Variants in KIF11 observed in about 807,000 individuals in gnomAD.
KIF11 encodes kinesin family member 11.
KIF11 carries 9 observed loss-of-function variants against 121.0 expected under a neutral mutation model. The observed-to-expected ratio is 0.07, with a 90% CI of 0.04 to 0.13. The LOEUF (loss-of-function observed/expected upper bound fraction) is 0.13. Among genes scored for constraint, KIF11 ranks in the 10% least tolerant of loss-of-function variants. KIF11 has a pLI of 1.00. For missense variants in KIF11, 846 were observed against 1,217.5 expected, an observed-to-expected ratio of 0.69 and a Z score of 4.54; for synonymous variants, 408 against 421.0, an observed-to-expected ratio of 0.97 and a Z score of 0.38.
intron 10 of KIF11, among the ~76,000 whole-genome samples, chr10:92,626,002 C>G (rs1302482058): frequency 6.6e-6 from 1 of 152,178 alleles, no homozygotes; most frequent in African/African-American, 2.4e-5. Flanking sequence ...GCCATACCAC[C>G]CAAAGCTATT....
chr10:92,622,259 A>C (rs1299243876), intron 10 of KIF11, among the ~76,000 whole-genome samples: 1 of 152,026 alleles, frequency 6.6e-6, no homozygotes, highest in Non-Finnish European at 1.5e-5. Flanking sequence ...GGGCAACAAG[A>C]GTGAAACTCT....
chr10:92,600,959 C>T (rs1403753973), intron 1 of KIF11, among the ~76,000 whole-genome samples: 1 of 151,532 alleles, frequency 6.6e-6, no homozygotes, highest in African/African-American at 2.4e-5. Context: ...CTCCTGGGTT[C>T]AAGCAGTTCT....
intron 12 of KIF11, among the ~76,000 whole-genome samples, chr10:92,630,867 C>CTAA (rs1844730131): frequency 1.0e-5 from 1 of 100,028 alleles, no homozygotes; most frequent in Non-Finnish European, 1.9e-5. Context: ...AACTCCGTCT[C>CTAA]AAAAAAAAAA....
chr10:92,627,722 T>G (rs908506975), intron 10 of KIF11, among the ~76,000 whole-genome samples: 2 of 152,218 alleles, frequency 1.3e-5, no homozygotes, highest in Middle Eastern at 3.2e-3. Context: ...ACCTGTAAGT[T>G]CACTATAGAT....
At chr10:92,612,216 G>A (rs1173647765) in intron 6 of KIF11, among the ~76,000 whole-genome samples, 2 of 151,810 alleles carry the variant, frequency 1.3e-5, no homozygotes, top group African/African-American at 2.4e-5. Flanking sequence ...GCTTACTGCA[G>A]CCTTGACCTC....
In KIF11 at chr10:92,630,134, T is replaced by C. The variant is rs564042856; in HGVS notation, c.1306-42T>C. On this transcript the variant is annotated intron_variant, in intron 11 of 21. Coordinates refer to ENST00000260731, the MANE Select transcript of KIF11 (RefSeq NM_004523.4). ...TCTAATCTTATGAACTAGCTAGATA[T>C]CCTACCAGCCAGCTCAGCGTTTTTT... The C allele has an allele frequency of 3.2e-5, 33 of 1,018,482 alleles. No homozygotes were observed. The South Asian group carries it at 6.1e-4, about 19-fold the overall frequency. The allele number at this position is 1,018,482 out of a possible 1,614,324, so 63.1% of individuals were successfully genotyped here. A position where few individuals can be genotyped will look rare whatever the true frequency, so the allele number is the denominator to read the frequency against.
intron 3 of KIF11, 51 bp from the exon 4 acceptor site, chr10:92,607,107 AG>A: frequency 9.9e-7 from 1 of 1,010,194 alleles, no homozygotes; most frequent in South Asian, 1.3e-5. Flanking sequence ...TATCACTAAG[AG>A]TCATATGGGT....
intron 1 of KIF11, among the ~76,000 whole-genome samples, chr10:92,599,658 CT>C (rs879564897): frequency 8.1e-4 from 111 of 137,360 alleles, no homozygotes; most frequent in Admixed American, 9.6e-4. Context: ...GTTTTCTTTT[CT>C]TTTTTTTTTT....
intron 17 of KIF11, among the ~76,000 whole-genome samples, chr10:92,642,934 C>G (rs1400592291): frequency 1.3e-5 from 2 of 152,180 alleles, no homozygotes; most frequent in Non-Finnish European, 2.9e-5. Context: ...TTATTTGAGA[C>G]AGAGTCTTGC....
chr10:92,608,725 C>A (rs1372923691), intron 4 of KIF11, among the ~76,000 whole-genome samples: 1 of 152,174 alleles, frequency 6.6e-6, no homozygotes, highest in African/African-American at 2.4e-5. Context: ...GCGTGAGCCA[C>A]CGTGCCTGGC....
At chr10:92,627,015 G>A (rs1185354137) in intron 10 of KIF11, among the ~76,000 whole-genome samples, 1 of 152,136 alleles carries the variant, frequency 6.6e-6, no homozygotes, top group Non-Finnish European at 1.5e-5. Context: ...TCCCGCCTCG[G>A]CCTCCCAAAG....
Position 92,609,380 on chromosome 10 carries a change from G to T in KIF11, c.574-5G>T, listed in dbSNP as rs781705800. 6.8e-6 allele frequency: 11 copies of T among 1,610,048 alleles called. No individual in the cohort carries two copies. In the Admixed American group the frequency reaches 1.7e-4, roughly 25 times the overall value. ...TAATGGATGTTCTTTTGGTATTTTG[G>T]TCAGAGAGGAGTGATAATTAAAGGT... On this transcript the variant is annotated splice_region_variant and splice_polypyrimidine_tract_variant and intron_variant, in intron 5 of 21. Coordinates refer to ENST00000260731, the MANE Select transcript of KIF11 (RefSeq NM_004523.4).
intron 1 of KIF11, among the ~76,000 whole-genome samples, chr10:92,595,040 C>CT (rs1409946959): frequency 1.2e-4 from 18 of 152,092 alleles, no homozygotes; most frequent in Non-Finnish European, 2.2e-4. Flanking sequence ...TATTTAAATA[C>CT]TTTAGGCTTT....
chr10:92,647,527 G>A (rs958822958), intron 18 of KIF11, among the ~76,000 whole-genome samples: 2 of 152,150 alleles, frequency 1.3e-5, no homozygotes, highest in Admixed American at 6.5e-5. Flanking sequence ...CATTTGAGAC[G>A]ACTGGTGAAG....
intron 21 of KIF11, among the ~76,000 whole-genome samples, chr10:92,652,281 C>T (rs1844995308): frequency 1.3e-5 from 2 of 152,070 alleles, no homozygotes; most frequent in African/African-American, 4.8e-5. Flanking sequence ...GCTGGGATTA[C>T]AGGCATGCAC....
At chr10:92,641,946 G>A (rs950522477) in intron 17 of KIF11, among the ~76,000 whole-genome samples, 2 of 152,092 alleles carry the variant, frequency 1.3e-5, no homozygotes, top group African/African-American at 4.8e-5. Flanking sequence ...CCCATTCAAT[G>A]AGGTGTTTTT....
intron 9 of KIF11, among the ~76,000 whole-genome samples, chr10:92,620,925 A>G (rs997336997): frequency 2.6e-5 from 4 of 152,282 alleles, no homozygotes; most frequent in African/African-American, 9.6e-5. Context: ...GTGGGGACAC[A>G]GAGCCAAACC....
At chr10:92,608,232 C>T (rs962775089) in intron 4 of KIF11, among the ~76,000 whole-genome samples, 1 of 151,218 alleles carries the variant, frequency 6.6e-6, no homozygotes, top group Admixed American at 6.6e-5. Context: ...CCACTTCAGC[C>T]TCCTGAGTAG....
chr10:92,623,991 A>G (rs1369438515), intron 10 of KIF11, among the ~76,000 whole-genome samples: 1 of 152,078 alleles, frequency 6.6e-6, no homozygotes, highest in East Asian at 1.9e-4. Flanking sequence ...TTTGTCACCC[A>G]GATAATAACC....
Sources: allele counts gnomAD v4.1 joint callset (sites outside exome capture counted in the v4.1 genomes callset), GRCh38; gene constraint gnomAD v4.1.1; transcripts MANE v1.5; gene names NCBI Gene and HGNC (gene_info 2026-07-23, HGNC 2026-07-21).